CFAP61: variants seen among roughly 807,000 people sequenced by gnomAD.
CFAP61 encodes cilia and flagella associated protein 61.
In CFAP61, 107 loss-of-function variants were observed where a neutral mutation model predicts 135.6. The observed-to-expected ratio is 0.79, with a 90% CI of 0.67 to 0.93. The LOEUF (loss-of-function observed/expected upper bound fraction) is 0.93. Among genes scored for constraint, CFAP61 ranks in the 40% least tolerant of loss-of-function variants. The pLI is 0.00. For synonymous variants in CFAP61, 575 were observed against 578.5 expected (o/e 0.99, Z 0.09); for missense variants, 1,507 against 1,556.2 (o/e 0.97, Z 0.53).
intron 25 of CFAP61, among the ~76,000 whole-genome samples, chr20:20,313,562 T>A (rs575191870): frequency 6.6e-6 from 1 of 152,326 alleles, no homozygotes; most frequent in African/African-American, 2.4e-5. Context: ...GGCATCCATG[T>A]CAGAACCTGG....
intron 25 of CFAP61, among the ~76,000 whole-genome samples, chr20:20,311,865 G>T (rs1424663336): frequency 6.6e-6 from 1 of 152,188 alleles, no homozygotes; most frequent in African/African-American, 2.4e-5. Flanking sequence ...AACGCTGCCT[G>T]TTCCCACCAG....
At chr20:20,058,698 ATTAT>A (rs537383993) in intron 2 of CFAP61, among the ~76,000 whole-genome samples, 34 of 152,342 alleles carry the variant, frequency 2.2e-4, no homozygotes, top group African/African-American at 7.9e-4. Context: ...ATCCATGTTA[ATTAT>A]TTATGTGGTC....
chr20:20,137,791 C>G (rs1339300002), intron 8 of CFAP61, among the ~76,000 whole-genome samples: 3 of 152,186 alleles, frequency 2.0e-5, no homozygotes, highest in African/African-American at 7.2e-5. Flanking sequence ...CCCCTTTACT[C>G]TTTCCTCTGC....
chr20:20,334,294 T>C (rs1465410677), intron 25 of CFAP61, among the ~76,000 whole-genome samples: 4 of 152,082 alleles, frequency 2.6e-5, no homozygotes, highest in Non-Finnish European at 5.9e-5. Context: ...ACCCTGCTAA[T>C]TTTTGTATTT....
intron 22 of CFAP61, among the ~76,000 whole-genome samples, chr20:20,279,896 G>A (rs1416136154): frequency 6.6e-6 from 1 of 152,102 alleles, no homozygotes; most frequent in Non-Finnish European, 1.5e-5. Flanking sequence ...GATTAAACAT[G>A]GGAAGCGGGG....
At chr20:20,087,264 T>C (rs2046873021) in intron 6 of CFAP61, among the ~76,000 whole-genome samples, 1 of 152,032 alleles carries the variant, frequency 6.6e-6, no homozygotes. Flanking sequence ...TACTCAACAG[T>C]TTTTCAACCC....
intron 13 of CFAP61, among the ~76,000 whole-genome samples, chr20:20,179,715 A>G (rs879891657): frequency 5.9e-5 from 9 of 152,220 alleles, no homozygotes; most frequent in Non-Finnish European, 1.0e-4. Context: ...TAGAGAACCC[A>G]GAAATAAGCC....
chr20:20,227,428 T>C (rs1286832322), intron 17 of CFAP61, among the ~76,000 whole-genome samples: 1 of 152,244 alleles, frequency 6.6e-6, no homozygotes, highest in Non-Finnish European at 1.5e-5. Context: ...GTTGAATCAA[T>C]GGATTAAAAA....
intron 2 of CFAP61, among the ~76,000 whole-genome samples, chr20:20,058,764 T>A (rs901376954): frequency 1.3e-5 from 2 of 152,208 alleles, no homozygotes; most frequent in African/African-American, 4.8e-5. Flanking sequence ...AGGCCAGTAG[T>A]GTGTCCAGGA....
At chr20:20,259,953 T>C (rs1479962929) in intron 20 of CFAP61, among the ~76,000 whole-genome samples, 1 of 152,202 alleles carries the variant, frequency 6.6e-6, no homozygotes, top group African/African-American at 2.4e-5. Flanking sequence ...GCACTTTAGT[T>C]AGTGGCAGAG....
intron 22 of CFAP61, among the ~76,000 whole-genome samples, chr20:20,284,326 C>T (rs1301880227): frequency 2.0e-5 from 3 of 150,882 alleles, no homozygotes; most frequent in Non-Finnish European, 2.9e-5. Flanking sequence ...CGCTTTGTTG[C>T]CCAGGCTGGA....
At chr20:20,176,856 C>T (rs4814951) in intron 13 of CFAP61, among the ~76,000 whole-genome samples, 90,899 of 152,000 alleles carry the variant, frequency 0.6, 28,282 homozygotes, top group Middle Eastern at 0.74. Flanking sequence ...ACATGTATCC[C>T]AGAACTTAAA....
chr20:20,147,438 C>G (rs1424981522), intron 9 of CFAP61, among the ~76,000 whole-genome samples: 1 of 152,176 alleles, frequency 6.6e-6, no homozygotes, highest in African/African-American at 2.4e-5. Flanking sequence ...TGTGGCCATT[C>G]TTGCAGGAGT....
At chr20:20,358,630 T>G (rs114321886) in intron 26 of CFAP61, among the ~76,000 whole-genome samples, 1,885 of 152,310 alleles carry the variant, frequency 0.012, 33 homozygotes, top group African/African-American at 0.043. Flanking sequence ...AGTTGCTTTT[T>G]CCCTATCACT....
At position 20,090,825 on chromosome 20, in the gene CFAP61, C is replaced by T. The variant is rs1283459424; in HGVS notation, c.567-19C>T. 2 of 1,612,574 alleles carry T rather than the reference C, an allele frequency of 1.2e-6. No individual in the cohort carries two copies. Among genetic ancestry groups the T allele is most frequent in the African/African-American group, 2.7e-5 (2 of 74,886 alleles). On this transcript the variant is annotated intron_variant, in intron 6 of 26. Transcript: ENST00000245957. ...AAATGAGTGAACGAACACTGAACTT[C>T]AGCCTTTCTATTAAACAGGGTGGAA...
intron 25 of CFAP61, among the ~76,000 whole-genome samples, chr20:20,320,376 T>TATATTATATATGTAATATA (rs1295288671): frequency 3.0e-4 from 2 of 6,694 alleles, no homozygotes; most frequent in African/African-American, 9.8e-4. Flanking sequence ...ATATATATTA[T>TATATTATATATGTAATATA]ATATATGTAA....
chr20:20,055,892 G>A, intron 1 of CFAP61: 1 of 1,316,198 alleles, frequency 7.6e-7, no homozygotes, highest in Non-Finnish European at 1.1e-6. Flanking sequence ...AGAGAGAAGA[G>A]AGACTTACAG....
At chr20:20,074,265 A>G (rs767938953) in intron 3 of CFAP61, 37 bp from the exon 4 acceptor site, 5 of 1,581,976 alleles carry the variant, frequency 3.2e-6, no homozygotes, top group South Asian at 1.1e-5. Context: ...CCGAATACTG[A>G]CTCAGCCTTT....
intron 8 of CFAP61, among the ~76,000 whole-genome samples, chr20:20,108,896 A>G (rs2048596660): frequency 6.6e-6 from 1 of 152,208 alleles, no homozygotes; most frequent in Admixed American, 6.5e-5. Flanking sequence ...AATTTAATCC[A>G]CAATCCAAAG....
Sources: allele counts gnomAD v4.1 joint callset (sites outside exome capture counted in the v4.1 genomes callset), GRCh38; gene constraint gnomAD v4.1.1; transcripts MANE v1.5; gene names NCBI Gene and HGNC (gene_info 2026-07-23, HGNC 2026-07-21).